The following CRTAC1 variants were observed in gnomAD, a reference collection of about 807,000 sequenced individuals.
The protein encoded by CRTAC1 is cartilage acidic protein 1.
In CRTAC1, 37 loss-of-function variants were observed where a neutral mutation model predicts 67.8. That is an observed-to-expected ratio of 0.55 (90% CI 0.42 to 0.72). The LOEUF (loss-of-function observed/expected upper bound fraction) is 0.72, where lower values mean the gene tolerates loss of function less well. CRTAC1 is among the 30% of genes least tolerant of loss of function. CRTAC1 has a pLI of 0.00. For missense variants in CRTAC1, 780 were observed against 931.6 expected (o/e 0.84, Z 2.12); for synonymous variants, 348 against 371.0 (o/e 0.94, Z 0.71).
intron 3 of CRTAC1, among the ~76,000 whole-genome samples, chr10:97,927,179 C>T (rs60697059): frequency 0.017 from 2,531 of 152,234 alleles, 65 homozygotes; most frequent in African/African-American, 0.056. Context: ...GACTCTGTCC[C>T]CCTCTGTTTG....
intron 2 of CRTAC1, among the ~76,000 whole-genome samples, chr10:97,937,928 G>A (rs1320544181): frequency 6.6e-6 from 1 of 152,232 alleles, no homozygotes; most frequent in East Asian, 1.9e-4. Flanking sequence ...TAACACCCAG[G>A]GAGGGCAGGA....
In CRTAC1 at chr10:97,951,767, G is replaced by A. The variant is rs566386715; in HGVS notation, c.225-15401C>T. Among the ~76,000 whole-genome samples the A allele has an allele frequency of 4.2e-4, 64 of 152,286 alleles. 1 individual carries two copies. The highest frequency in any genetic ancestry group is 1.5e-3 in the African/African-American group (64 of 41,568). Reference sequence around the variant, plus strand: ...GTTTGAATCATTCATCTAGAATAAAGCCCCTGCTAGAGCTGGTACCTCCCA... The same window carrying A: ...GTTTGAATCATTCATCTAGAATAAAACCCCTGCTAGAGCTGGTACCTCCCA... On this transcript the variant is annotated intron_variant, in intron 2 of 14. Coordinates refer to ENST00000370597, the MANE Select transcript of CRTAC1 (RefSeq NM_018058.7).
In CRTAC1 at chr10:97,977,858, C is replaced by A. The variant is rs920251271; in HGVS notation, c.224+33280G>T. ...AATATGCTGTGATCATCAGTATGTACGGCCTGAGCTGAGGCTGTGCCTAAG... is the reference window on the plus strand; with the variant it reads ...AATATGCTGTGATCATCAGTATGTAAGGCCTGAGCTGAGGCTGTGCCTAAG... On this transcript the variant is annotated intron_variant, in intron 2 of 14. Transcript: ENST00000370597. Among the ~76,000 whole-genome samples, 3 of 152,216 alleles carry A rather than the reference C, an allele frequency of 2.0e-5. No homozygotes were observed. The South Asian group carries it at 6.2e-4, about 32-fold the overall frequency.
At chr10:97,918,245 A>G (rs1003717708) in intron 4 of CRTAC1, among the ~76,000 whole-genome samples, 2 of 152,190 alleles carry the variant, frequency 1.3e-5, no homozygotes, top group African/African-American at 4.8e-5. Flanking sequence ...TACCAGGAAG[A>G]AAGATAATAT....
At position 97,871,183 on chromosome 10, in the gene CRTAC1, T is replaced by C. The variant is rs1041665427; in HGVS notation, c.1820-5469A>G. On this transcript the variant is annotated intron_variant, in intron 14 of 14. Transcript: ENST00000370597. ...GCTCACAACTCTTCCTCCAAGAGGA[T>C]GTTCAAAGGGCCTGTCATTTCAGCA... 2.0e-5 allele frequency: 3 copies of C among 152,182 alleles called. No homozygotes were observed. The East Asian group carries it at 5.8e-4, about 29-fold the overall frequency. 9.4% of individuals were successfully genotyped at this position (152,182 alleles called of 1,614,324 possible). A position where few individuals can be genotyped will look rare whatever the true frequency, so the allele number is the denominator to read the frequency against.
intron 2 of CRTAC1, among the ~76,000 whole-genome samples, chr10:97,987,048 T>C (rs145358325): frequency 2.7e-3 from 415 of 152,326 alleles, no homozygotes; most frequent in African/African-American, 9.0e-3. Context: ...CTCAGTATAT[T>C]AAGAAATGAA....
intron 11 of CRTAC1, among the ~76,000 whole-genome samples, chr10:97,885,657 G>C (rs1377946103): frequency 6.6e-6 from 1 of 152,100 alleles, no homozygotes; most frequent in Non-Finnish European, 1.5e-5. Flanking sequence ...GGAGGAGGCG[G>C]GGGCTGGGCC....
intron 1 of CRTAC1, among the ~76,000 whole-genome samples, chr10:98,026,762 C>G (rs1453364710): frequency 6.6e-6 from 1 of 152,170 alleles, no homozygotes; most frequent in Non-Finnish European, 1.5e-5. Flanking sequence ...AGGATTCCGC[C>G]TCTCAGAATT....
chr10:97,963,775 C>T (rs2051565437), intron 2 of CRTAC1, among the ~76,000 whole-genome samples: 1 of 152,106 alleles, frequency 6.6e-6, no homozygotes, highest in African/African-American at 2.4e-5. Context: ...TGGTAAACAC[C>T]ATGTATTGAT....
At chr10:97,999,901 C>A (rs1249337826) in intron 2 of CRTAC1, among the ~76,000 whole-genome samples, 2 of 152,102 alleles carry the variant, frequency 1.3e-5, no homozygotes, top group Non-Finnish European at 1.5e-5. Flanking sequence ...ATGACTGACG[C>A]CCTGTCTGCA....
intron 1 of CRTAC1, among the ~76,000 whole-genome samples, chr10:98,020,282 C>T (rs561013998): frequency 6.6e-5 from 10 of 152,194 alleles, no homozygotes; most frequent in East Asian, 1.9e-4. Context: ...AAGTACTATA[C>T]GAGGAATGGA....
chr10:97,891,846 C>T (rs906101684), intron 11 of CRTAC1, among the ~76,000 whole-genome samples: 3 of 152,232 alleles, frequency 2.0e-5, no homozygotes, highest in East Asian at 1.9e-4. Context: ...GGAACTGCCC[C>T]GCCTCTCGCT....
intron 8 of CRTAC1, among the ~76,000 whole-genome samples, chr10:97,900,903 T>C (rs991308871): frequency 6.0e-5 from 8 of 132,986 alleles, no homozygotes; most frequent in Admixed American, 2.1e-4. Context: ...CGTAGCCCCT[T>C]TCTGTGGTAG....
At position 98,029,279 on chromosome 10, in the gene CRTAC1, C is replaced by T. The variant is rs1409278163; in HGVS notation, c.24+1170G>A. ...TCCGTCAATCGCTTATCTCTTCCCA[C>T]ATGAGTTCTCCCCTGACTCAAGAAA... On this transcript the variant is annotated intron_variant, in intron 1 of 14. Coordinates refer to ENST00000370597, the MANE Select transcript of CRTAC1 (RefSeq NM_018058.7). This position sits in a 1 kb window ranked among gnomAD's most constrained non-coding sequence, Gnocchi z 4.7. Among the ~76,000 whole-genome samples, 2 of 152,176 alleles carry T rather than the reference C, an allele frequency of 1.3e-5. No individual in the cohort carries two copies. Among genetic ancestry groups the T allele is most frequent in the African/African-American group, 4.8e-5 (2 of 41,434 alleles).
At chr10:97,978,376 T>A in intron 2 of CRTAC1, among the ~76,000 whole-genome samples, 1 of 152,188 alleles carries the variant, frequency 6.6e-6, no homozygotes, top group East Asian at 1.9e-4. Flanking sequence ...CCACCTCAGT[T>A]TTTTTCATAC....
chr10:98,015,436 T>C (rs1036092449), intron 1 of CRTAC1, among the ~76,000 whole-genome samples: 1 of 152,190 alleles, frequency 6.6e-6, no homozygotes, highest in African/African-American at 2.4e-5. Flanking sequence ...TGGTGATGGT[T>C]GTACAACAAT....
chr10:97,878,630 T>C, intron 14 of CRTAC1: 1 of 1,303,950 alleles, frequency 7.7e-7, no homozygotes, highest in Non-Finnish European at 1.0e-6. Flanking sequence ...AAGAGTGTTC[T>C]GGCTACAGGA....
intron 1 of CRTAC1, among the ~76,000 whole-genome samples, chr10:98,023,378 G>T (rs1440865365): frequency 6.6e-6 from 1 of 152,130 alleles, no homozygotes; most frequent in East Asian, 1.9e-4. Flanking sequence ...CCCCAGAATG[G>T]CCACCAACAT....
chr10:97,900,330 G>A (rs1349305672), intron 8 of CRTAC1, among the ~76,000 whole-genome samples: 2 of 152,226 alleles, frequency 1.3e-5, no homozygotes, highest in African/African-American at 4.8e-5. Context: ...GAAGTGCCCT[G>A]TGATCTGGCC....
Sources: gnomAD v4.1 joint callset for allele counts (sites outside exome capture counted in the v4.1 genomes callset) on GRCh38, gnomAD v4.1.1 for gene constraint, Gnocchi (gnomAD v3.1) non-coding constraint, MANE v1.5 for transcripts, NCBI Gene and HGNC (gene_info 2026-07-23, HGNC 2026-07-21) for gene names.